NOVA1: variants seen among roughly 807,000 people sequenced by gnomAD.
The protein encoded by NOVA1 is NOVA alternative splicing regulator 1, also known as RNA-binding protein Nova-1.
A neutral mutation model predicts 38.0 loss-of-function variants in NOVA1; 7 were observed. The ratio of observed to expected loss-of-function variants is 0.18; its 90% CI spans 0.10 to 0.35. NOVA1 has a LOEUF of 0.35. Ranked by LOEUF, NOVA1 falls within the 10% of genes least tolerant of loss-of-function variation. The pLI is 1.00. For missense variants in NOVA1, 460 were observed against 616.0 expected (o/e 0.75, Z 2.68); for synonymous variants, 270 against 232.5 (o/e 1.16, Z -1.47).
At chr14:26,508,695 CT>C (rs1887830063) in intron 2 of NOVA1, among the ~76,000 whole-genome samples, 1 of 151,872 alleles carries the variant, frequency 6.6e-6, no homozygotes, top group Middle Eastern at 3.4e-3. Flanking sequence ...TTGATGAAAA[CT>C]ATAAGGCAAT....
intron 2 of NOVA1, among the ~76,000 whole-genome samples, chr14:26,486,595 G>C (rs77668269): frequency 0.043 from 6,216 of 145,696 alleles, 190 homozygotes; most frequent in South Asian, 0.1. Context: ...TGTAGTCCTA[G>C]CTACTTGGGA....
intron 2 of NOVA1, among the ~76,000 whole-genome samples, chr14:26,484,165 T>A (rs1594376762): frequency 6.6e-6 from 1 of 151,980 alleles, no homozygotes; most frequent in Non-Finnish European, 1.5e-5. Flanking sequence ...CCGGGTGCGG[T>A]GGCTCACACC....
intron 2 of NOVA1, among the ~76,000 whole-genome samples, chr14:26,494,357 G>A (rs1886596488): frequency 6.6e-6 from 1 of 152,070 alleles, no homozygotes; most frequent in African/African-American, 2.4e-5. Context: ...TGAAATTTTG[G>A]CTATTTTCCT....
intron 2 of NOVA1, among the ~76,000 whole-genome samples, chr14:26,530,646 G>A (rs1205517842): frequency 6.6e-6 from 1 of 152,032 alleles, no homozygotes; most frequent in Non-Finnish European, 1.5e-5. Flanking sequence ...AATTATCCAT[G>A]CAAACAAAGG....
At chr14:26,575,843 A>C (rs996536708) in intron 2 of NOVA1, among the ~76,000 whole-genome samples, 1 of 152,042 alleles carries the variant, frequency 6.6e-6, no homozygotes, top group Non-Finnish European at 1.5e-5. Flanking sequence ...AAAATAAGAT[A>C]AATGTTTTTA....
intron 2 of NOVA1, among the ~76,000 whole-genome samples, chr14:26,540,416 C>T (rs1449457980): frequency 6.6e-6 from 1 of 152,204 alleles, no homozygotes; most frequent in African/African-American, 2.4e-5. Flanking sequence ...TCCACAAAAC[C>T]AGTCCCTGGT....
intron 2 of NOVA1, among the ~76,000 whole-genome samples, chr14:26,584,868 T>A (rs1466436681): frequency 6.6e-6 from 1 of 151,402 alleles, no homozygotes; most frequent in African/African-American, 2.4e-5. Flanking sequence ...GTTATCAAAC[T>A]TGTAACCTGG....
At chr14:26,539,492 G>C (rs1418876419) in intron 2 of NOVA1, among the ~76,000 whole-genome samples, 1 of 151,842 alleles carries the variant, frequency 6.6e-6, no homozygotes. Context: ...TGAGACATCA[G>C]AATATAAAAA....
At chr14:26,500,074 G>T (rs1887139071) in intron 2 of NOVA1, among the ~76,000 whole-genome samples, 1 of 151,674 alleles carries the variant, frequency 6.6e-6, no homozygotes, top group Non-Finnish European at 1.5e-5. Flanking sequence ...CCAATCTTTG[G>T]CCAGTTATCA....
chr14:26,448,868 C>T lies in NOVA1; in HGVS notation c.615G>A (p.Val205=), dbSNP rs61755046. 2.0e-5 allele frequency: 32 copies of T among 1,614,028 alleles called. No homozygotes were observed. Among genetic ancestry groups the T allele is most frequent in the Non-Finnish European group, 2.6e-5 (31 of 1,180,028 alleles). ...KAVMEQSGAW[V]QLSQKPDGIN... ...TCCCATCAGGTTTCTGGGAAAGCTG[C>T]ACCCAAGCCCCTGACTGCTCCATTA... The change falls in exon 5 of 5, where the codon GTG becomes GTA. Residue 205 remains valine, a synonymous_variant. Coordinates refer to ENST00000539517, the MANE Select transcript of NOVA1 (RefSeq NM_002515.3). The surrounding 1 kb of genome is among the most constrained non-coding windows in gnomAD (Gnocchi z 5.3).
chr14:26,479,467 T>C (rs1255296113), intron 3 of NOVA1: 1 of 152,456 alleles, frequency 6.6e-6, no homozygotes, highest in Non-Finnish European at 1.5e-5. Context: ...AGTAACTGAT[T>C]TGTAACAAAG....
rs74042404 is a variant in NOVA1, at chr14:26,456,978, C to T, written c.520-8015G>A. Among the ~76,000 whole-genome samples the T allele has an allele frequency of 5.4e-3, 814 of 150,366 alleles. 3 individuals carry two copies. The highest frequency in any genetic ancestry group is 9.0e-3 in the Non-Finnish European group (610 of 67,558). On this transcript the variant is annotated intron_variant, in intron 4 of 4. Coordinates refer to ENST00000539517, the MANE Select transcript of NOVA1 (RefSeq NM_002515.3). ...ACACAAATATATACACACACACACA[C>T]ATATATATATATGTAGTTTGGGTTA...
chr14:26,549,534 A>C (rs1027493420), intron 2 of NOVA1: 7 of 229,412 alleles, frequency 3.1e-5, no homozygotes, highest in African/African-American at 1.3e-4. Context: ...TGTACCAATC[A>C]GAAGACCTTA....
intron 2 of NOVA1, among the ~76,000 whole-genome samples, chr14:26,486,427 G>A (rs754418663): frequency 4.0e-5 from 6 of 151,546 alleles, no homozygotes; most frequent in African/African-American, 1.2e-4. Context: ...AGTAGGTTCC[G>A]GGCCGGGCAT....
intron 2 of NOVA1, among the ~76,000 whole-genome samples, chr14:26,536,336 A>G (rs1369886812): frequency 1.3e-5 from 2 of 152,066 alleles, no homozygotes; most frequent in African/African-American, 2.4e-5. Context: ...TCTTAACTGT[A>G]TATTTTAAAA....
intron 4 of NOVA1, chr14:26,470,341 A>T (rs1884488370): frequency 6.1e-6 from 9 of 1,465,142 alleles, no homozygotes; most frequent in Non-Finnish European, 8.4e-6. Context: ...ACATGATTAG[A>T]ATCTACTGGA....
intron 2 of NOVA1, among the ~76,000 whole-genome samples, chr14:26,547,360 C>T (rs1338445673): frequency 6.6e-6 from 1 of 152,034 alleles, no homozygotes; most frequent in African/African-American, 2.4e-5. Context: ...GAAACACCGA[C>T]AGTTTATTTT....
Position 26,443,487 on chromosome 14 carries a change from T to C in NOVA1, c.*4472A>G, listed in dbSNP as rs1047744827. 5 of 152,164 alleles carry C rather than the reference T, an allele frequency of 3.3e-5. No individual in the cohort carries two copies. Among genetic ancestry groups the C allele is most frequent in the African/African-American group, 1.2e-4 (5 of 41,414 alleles). The allele number at this position is 152,164 out of a possible 1,614,324, so 9.4% of individuals were successfully genotyped here. A position where few individuals can be genotyped will look rare whatever the true frequency, so the allele number is the denominator to read the frequency against. On this transcript the variant is annotated 3_prime_UTR_variant, in exon 5 of 5. Transcript: ENST00000539517. The stretch of plus-strand genomic sequence containing the variant: ...TATAGACCAGTGGAATGACATCCTG[T>C]CTAGTACTATACCTCAATATTTTTC...
chr14:26,530,817 A>G (rs1021555508), intron 2 of NOVA1, among the ~76,000 whole-genome samples: 1 of 152,174 alleles, frequency 6.6e-6, no homozygotes, highest in Non-Finnish European at 1.5e-5. Flanking sequence ...AATTACAGAA[A>G]CCAAACCTAT....
Sources: allele counts gnomAD v4.1 joint callset (sites outside exome capture counted in the v4.1 genomes callset), GRCh38; gene constraint gnomAD v4.1.1; non-coding constraint Gnocchi (gnomAD v3.1); transcripts MANE v1.5; gene names NCBI Gene and HGNC (gene_info 2026-07-23, HGNC 2026-07-21).